The following ZNF41 variants were observed in gnomAD, a reference collection of about 807,000 sequenced individuals.
ZNF41 encodes zinc finger protein 41.
Under a neutral mutation model 9.3 loss-of-function variants are expected in ZNF41, and 6 were observed. That is an observed-to-expected ratio of 0.65 (90% confidence interval 0.35 to 1.28). ZNF41 has a LOEUF of 1.28. ZNF41 is among the 50% of genes most tolerant of loss of function. ZNF41 has a pLI of 0.03. For synonymous variants in ZNF41, 192 were observed against 207.1 expected (o/e 0.93, Z 0.63); for missense variants, 523 against 585.8 (o/e 0.89, Z 1.11).
At chrX:47,456,686 C>T (rs143881614) in intron 2 of ZNF41, among the ~76,000 whole-genome samples, 3,779 of 111,561 alleles carry the variant, frequency 0.034, 173 homozygotes, top group African/African-American at 0.12. Flanking sequence ...AGATACTGGC[C>T]GATTATGTGT....
intron 2 of ZNF41, among the ~76,000 whole-genome samples, chrX:47,462,438 G>A (rs772928683): frequency 6.3e-5 from 7 of 110,505 alleles, no homozygotes; most frequent in Admixed American, 1.9e-4. Context: ...GAGTACCCCC[G>A]TTCTTTTATC....
intron 2 of ZNF41, among the ~76,000 whole-genome samples, chrX:47,465,022 A>C (rs1602932987): frequency 9.0e-6 from 1 of 111,429 alleles, no homozygotes; most frequent in East Asian, 2.8e-4. Context: ...GGTAGCTGCG[A>C]CTACAGGTGC....
intron 1 of ZNF41, among the ~76,000 whole-genome samples, chrX:47,472,635 C>T (rs1315495721): frequency 3.6e-5 from 4 of 109,780 alleles, no homozygotes; most frequent in Non-Finnish European, 5.7e-5. Flanking sequence ...GATGGGGTTT[C>T]GCCATGTTGG....
At chrX:47,472,244 C>G (rs2057211103) in intron 1 of ZNF41, among the ~76,000 whole-genome samples, 2 of 110,434 alleles carry the variant, frequency 1.8e-5, no homozygotes, top group Non-Finnish European at 3.8e-5. Context: ...AAATGCCCAT[C>G]AACATCAGAA....
chrX:47,455,839 A>T, intron 4 of ZNF41, 82 bp downstream of exon 4: 1 of 907,595 alleles, frequency 1.1e-6, no homozygotes, highest in Non-Finnish European at 1.6e-6. Flanking sequence ...TTATCTTCAG[A>T]GTGTTTCAAA....
chrX:47,462,900 T>A (rs2056849143), intron 2 of ZNF41, among the ~76,000 whole-genome samples: 1 of 98,874 alleles, frequency 1.0e-5, no homozygotes, highest in African/African-American at 3.9e-5. Context: ...GGCTGATTTT[T>A]TTTTTGTATG....
intron 1 of ZNF41, among the ~76,000 whole-genome samples, chrX:47,474,182 T>C (rs1029525815): frequency 4.5e-4 from 51 of 112,403 alleles, no homozygotes; most frequent in African/African-American, 1.4e-3. Flanking sequence ...ATCACACACA[T>C]TGGGCCAGGC....
At chrX:47,468,198 G>A (rs1011135514) in intron 1 of ZNF41, among the ~76,000 whole-genome samples, 2 of 111,126 alleles carry the variant, frequency 1.8e-5, no homozygotes, top group Non-Finnish European at 3.8e-5. Context: ...TAAGGGGGAA[G>A]GACAAGGATT....
intron 2 of ZNF41, 103 bp from the exon 3 acceptor site, chrX:47,456,501 GT>G: frequency 8.9e-7 from 1 of 1,120,052 alleles, no homozygotes; most frequent in South Asian, 1.9e-5. Context: ...AATGTATCAT[GT>G]AGGGTTTTCA....
At chrX:47,468,267 C>G (rs1352816527) in intron 1 of ZNF41, among the ~76,000 whole-genome samples, 2 of 111,495 alleles carry the variant, frequency 1.8e-5, no homozygotes, top group Admixed American at 1.9e-4. Flanking sequence ...CCATTTGGTA[C>G]TCTATACATG....
intron 1 of ZNF41, chrX:47,482,693 G>A (rs1025319944): frequency 7.1e-5 from 8 of 113,130 alleles, no homozygotes; most frequent in African/African-American, 2.2e-4. Flanking sequence ...CTCCTTGGGA[G>A]TGTCTCTACG....
rs142997694 is a variant in ZNF41 at position 47,449,248 on chromosome X, T to G, written c.522A>C (p.Lys174Asn). The G allele has an allele frequency of 7.9e-5, 95 of 1,209,663 alleles. No individual in the cohort carries two copies. In the African/African-American group the frequency reaches 1.5e-3, roughly 19 times the overall value. The change falls in exon 5 of 5, where the codon AAA becomes AAC. Residue 174 changes from lysine to asparagine, a missense_variant. Physicochemically the swap from Lys to Asn is moderately conservative, Grantham distance 94. Coordinates refer to ENST00000684689, the MANE Select transcript of ZNF41 (RefSeq NM_001324144.2). ...CAAGCTTGGTAGTCACATGAATTAT[T>G]TTTTCAATGTTTTTATGTTCATAGC... ...ERGYEHKNIE[K>N]IIHVTTKLVP...
Position 47,449,172 on chromosome X carries a change from A to C in ZNF41, c.598T>G (p.Leu200Val). The change falls in exon 5 of 5, where the codon TTA (leucine) becomes GTA (valine). Residue 200 changes from leucine (L) to valine (V), a missense_variant. By Grantham distance (32) the Leu-to-Val change is conservative. Transcript: ENST00000684689. Reference protein sequence around the residue: ...HNCDTILKHTLNSHNHNRNSA... With the variant: ...HNCDTILKHTVNSHNHNRNSA... ...TTTCTATTATGATTATGTGAGTTTA[A>C]AGTATGCTTCAAAATTGTGTCACAG... 1.7e-6 allele frequency: 2 copies of C among 1,209,562 alleles called. No homozygotes were observed. Among genetic ancestry groups the C allele is most frequent in the Middle Eastern group, 2.3e-4 (1 of 4,352 alleles).
chrX:47,455,296 A>G (rs1005410041), intron 4 of ZNF41, among the ~76,000 whole-genome samples: 103 of 107,917 alleles, frequency 9.5e-4, no homozygotes, highest in Non-Finnish European at 1.7e-3. Context: ...AATTAAAAAA[A>G]AAAAAAGACC....
At position 47,456,296 on chromosome X, in the gene ZNF41, T is replaced by C; in HGVS notation, c.175A>G (p.Asn59Asp). Reference sequence around the variant, plus strand: ...CCCACTGAGAGCAGGTGGCTGTAGTTCTCTAGTGTCACATCCCAGTACAGG... The same window carrying C: ...CCCACTGAGAGCAGGTGGCTGTAGTCCTCTAGTGTCACATCCCAGTACAGG... ...RRLYWDVTLE[N>D]YSHLLSVGYQ... The change falls in exon 3 of 5, where the codon AAC becomes GAC. Residue 59 changes from asparagine to aspartate, a missense_variant. Asn to Asp is a conservative substitution (Grantham distance 23). Transcript: ENST00000684689. The C allele has an allele frequency of 8.3e-7, 1 of 1,210,327 alleles. No homozygotes were observed. Among genetic ancestry groups the C allele is most frequent in the East Asian group, 3.0e-5 (1 of 33,785 alleles).
chrX:47,460,776 G>T (rs1378857159), intron 2 of ZNF41, among the ~76,000 whole-genome samples: 1 of 111,947 alleles, frequency 8.9e-6, no homozygotes, highest in Non-Finnish European at 1.9e-5. Flanking sequence ...TATGGTGCAA[G>T]AACTCTCATA....
At position 47,456,520 on chromosome X, in the gene ZNF41, C is replaced by T. The variant is rs981266192; in HGVS notation, c.73-122G>A. ...TATCATGTAGGGTTTTCACTAAGTA[C>T]TTAGTTTTGTATTTTATTTTGTGAG... On this transcript the variant is annotated intron_variant, in intron 2 of 4. Transcript: ENST00000684689. 2.6e-5 allele frequency: 26 copies of T among 1,013,109 alleles called. No homozygotes were observed. In the African/African-American group the frequency reaches 4.9e-4, roughly 19 times the overall value. 83.5% of individuals were successfully genotyped at this position (1,013,109 alleles called of 1,213,427 possible).
intron 4 of ZNF41, among the ~76,000 whole-genome samples, chrX:47,450,449 G>T (rs1015836901): frequency 9.0e-6 from 1 of 111,015 alleles, no homozygotes; most frequent in Non-Finnish European, 1.9e-5. Context: ...GACCTCAAGT[G>T]ATCTGCCCAC....
At chrX:47,471,180 G>A (rs745838262) in intron 1 of ZNF41, among the ~76,000 whole-genome samples, 1 of 111,328 alleles carries the variant, frequency 9.0e-6, no homozygotes, top group East Asian at 2.8e-4. Flanking sequence ...CGGGCACAGT[G>A]GCTCATGTCT....
Sources: allele counts gnomAD v4.1 joint callset (sites outside exome capture counted in the v4.1 genomes callset), GRCh38; gene constraint gnomAD v4.1.1; transcripts MANE v1.5; gene names NCBI Gene and HGNC (gene_info 2026-07-23, HGNC 2026-07-21).